MNAT1: variants seen among roughly 807,000 people sequenced by gnomAD.
MNAT1 encodes CDK-activating kinase assembly factor MAT1.
A neutral mutation model predicts 42.0 loss-of-function variants in MNAT1; 43 were observed. The observed-to-expected ratio is 1.02, with a 90% CI of 0.80 to 1.32. MNAT1 has a LOEUF of 1.32. Ranked by LOEUF, MNAT1 falls within the 40% of genes most tolerant of loss-of-function variation. The probability of loss-of-function intolerance (pLI) is 0.00; values close to 1 mark genes in which losing one functional copy is unlikely to be tolerated. For synonymous variants in MNAT1, 118 were observed against 120.0 expected (o/e 0.98, Z 0.11); for missense variants, 306 against 350.4 (o/e 0.87, Z 1.01).
intron 3 of MNAT1, among the ~76,000 whole-genome samples, chr14:60,801,656 G>T (rs574512602): frequency 1.3e-5 from 2 of 152,258 alleles, no homozygotes; most frequent in Admixed American, 1.3e-4. Context: ...GTTAGAATGG[G>T]TATTATCAAA....
At chr14:60,804,498 C>T (rs578235019) in intron 3 of MNAT1, among the ~76,000 whole-genome samples, 12 of 151,944 alleles carry the variant, frequency 7.9e-5, no homozygotes, top group Admixed American at 1.3e-4. Context: ...TTTTGGAATT[C>T]ATAAAGTTTT....
chr14:60,820,533 C>T (rs550735119), intron 6 of MNAT1, among the ~76,000 whole-genome samples: 106 of 149,366 alleles, frequency 7.1e-4, no homozygotes, highest in African/African-American at 2.4e-3. Flanking sequence ...AAGTCTTTTG[C>T]AACTTTTTTT....
chr14:60,849,654 A>G (rs2033771517), intron 6 of MNAT1, among the ~76,000 whole-genome samples: 1 of 152,166 alleles, frequency 6.6e-6, no homozygotes. Flanking sequence ...TTTTACAGAT[A>G]TGATCACTAA....
intron 6 of MNAT1, among the ~76,000 whole-genome samples, chr14:60,829,227 C>T (rs1456259988): frequency 6.6e-6 from 1 of 152,088 alleles, no homozygotes; most frequent in African/African-American, 2.4e-5. Flanking sequence ...TACAAAAAGA[C>T]ACCATTTTGG....
chr14:60,915,682 G>T (rs758594971), intron 7 of MNAT1, among the ~76,000 whole-genome samples: 1 of 152,216 alleles, frequency 6.6e-6, no homozygotes, highest in Non-Finnish European at 1.5e-5. Flanking sequence ...GTGTTTGAAG[G>T]CATGCAGTGT....
At chr14:60,748,479 C>A (rs1461116236) in intron 1 of MNAT1, among the ~76,000 whole-genome samples, 3 of 152,230 alleles carry the variant, frequency 2.0e-5, no homozygotes, top group Non-Finnish European at 4.4e-5. Flanking sequence ...GATCCTCTCG[C>A]CTTGGCCTCC....
intron 6 of MNAT1, among the ~76,000 whole-genome samples, chr14:60,874,753 C>T (rs192438869): frequency 6.6e-6 from 1 of 152,080 alleles, no homozygotes. Context: ...ATATCTATCA[C>T]CCTTACTGTT....
intron 1 of MNAT1, among the ~76,000 whole-genome samples, chr14:60,764,451 A>G (rs538720822): frequency 2.8e-5 from 4 of 140,444 alleles, no homozygotes; most frequent in Admixed American, 1.5e-4. Context: ...CTTATCACAA[A>G]CAGCCAGAAG....
chr14:60,938,035 A>G (rs998653559), intron 7 of MNAT1, among the ~76,000 whole-genome samples: 2 of 152,046 alleles, frequency 1.3e-5, no homozygotes, highest in African/African-American at 4.8e-5. Flanking sequence ...TTTGTCTGTT[A>G]TTGGTGTAGA....
intron 6 of MNAT1, among the ~76,000 whole-genome samples, chr14:60,873,945 T>C (rs2034382430): frequency 6.6e-6 from 1 of 152,208 alleles, no homozygotes; most frequent in African/African-American, 2.4e-5. Context: ...CCTTTTAGTT[T>C]TTGACAATAT....
At chr14:60,901,778 A>G (rs1469812073) in intron 7 of MNAT1, among the ~76,000 whole-genome samples, 1 of 152,248 alleles carries the variant, frequency 6.6e-6, no homozygotes, top group African/African-American at 2.4e-5. Context: ...CTACAGTCTT[A>G]TAATAAAACT....
At chr14:60,748,886 C>T (rs1162454709) in intron 1 of MNAT1, among the ~76,000 whole-genome samples, 3 of 152,130 alleles carry the variant, frequency 2.0e-5, no homozygotes, top group Non-Finnish European at 4.4e-5. Flanking sequence ...TCATTATTAA[C>T]TATTATGCAC....
intron 6 of MNAT1, among the ~76,000 whole-genome samples, chr14:60,875,733 A>T (rs891037860): frequency 1.3e-5 from 2 of 152,134 alleles, no homozygotes; most frequent in Non-Finnish European, 2.9e-5. Context: ...ATAAGACATC[A>T]TAACTTTAGT....
At chr14:60,917,316 A>G (rs1314657285) in intron 7 of MNAT1, among the ~76,000 whole-genome samples, 1 of 152,066 alleles carries the variant, frequency 6.6e-6, no homozygotes, top group African/African-American at 2.4e-5. Context: ...AAAAATAGTC[A>G]TTCCTATTTA....
intron 2 of MNAT1, among the ~76,000 whole-genome samples, chr14:60,796,970 T>A (rs2032038353): frequency 6.6e-6 from 1 of 152,070 alleles, no homozygotes; most frequent in Non-Finnish European, 1.5e-5. Context: ...TATACACACA[T>A]GGGCATAGTA....
intron 1 of MNAT1, among the ~76,000 whole-genome samples, chr14:60,750,265 C>T (rs1299439035): frequency 6.6e-6 from 1 of 150,454 alleles, no homozygotes; most frequent in Non-Finnish European, 1.5e-5. Flanking sequence ...CTCGTTCTGT[C>T]GCCCAGGCTG....
At chr14:60,950,474 A>G (rs985940236) in intron 7 of MNAT1, among the ~76,000 whole-genome samples, 1 of 152,196 alleles carries the variant, frequency 6.6e-6, no homozygotes, top group Non-Finnish European at 1.5e-5. Flanking sequence ...CGTCCACCCC[A>G]GTGACTGATA....
chr14:60,818,420 A>G (rs1426695760), intron 5 of MNAT1, among the ~76,000 whole-genome samples: 4 of 151,558 alleles, frequency 2.6e-5, no homozygotes, highest in East Asian at 3.9e-4. Context: ...ACTTTGTACT[A>G]CTCTTTTTGT....
At chr14:60,932,125 A>C (rs1476995446) in intron 7 of MNAT1, among the ~76,000 whole-genome samples, 2 of 152,014 alleles carry the variant, frequency 1.3e-5, no homozygotes, top group Non-Finnish European at 2.9e-5. Context: ...TTGCTTGTAC[A>C]AACCTATATA....
Sources: gnomAD v4.1 joint callset for allele counts (sites outside exome capture counted in the v4.1 genomes callset) on GRCh38, gnomAD v4.1.1 for gene constraint, MANE v1.5 for transcripts, NCBI Gene and HGNC (gene_info 2026-07-23, HGNC 2026-07-21) for gene names.